The following OSBPL9 variants were observed in gnomAD, a reference collection of about 807,000 sequenced individuals.
OSBPL9 encodes oxysterol-binding protein-related protein 9.
OSBPL9 carries 40 observed loss-of-function variants against 106.6 expected under a neutral mutation model. That is an observed-to-expected ratio of 0.38 (90% confidence interval 0.29 to 0.49). The LOEUF (loss-of-function observed/expected upper bound fraction) is 0.49, where lower values mean the gene tolerates loss of function less well. OSBPL9 is among the 20% of genes least tolerant of loss of function. The probability of loss-of-function intolerance (pLI) is 0.97; values close to 1 mark genes in which losing one functional copy is unlikely to be tolerated. For missense variants in OSBPL9, 609 were observed against 887.2 expected (o/e 0.69, Z 3.98); for synonymous variants, 269 against 295.4 (o/e 0.91, Z 0.92).
chr1:51,645,185 A>T (rs1364380128), intron 1 of OSBPL9, among the ~76,000 whole-genome samples: 1 of 152,232 alleles, frequency 6.6e-6, no homozygotes, highest in Non-Finnish European at 1.5e-5. Context: ...TAAATTATGC[A>T]GTCTCTGGTA....
At chr1:51,663,222 A>G (rs1275982675) in intron 2 of OSBPL9, among the ~76,000 whole-genome samples, 2 of 152,210 alleles carry the variant, frequency 1.3e-5, no homozygotes, top group East Asian at 3.8e-4. Flanking sequence ...AAAGACCTAA[A>G]TAAATGACAG....
At chr1:51,735,512 C>T (rs1476780426) in intron 4 of OSBPL9, among the ~76,000 whole-genome samples, 1 of 152,178 alleles carries the variant, frequency 6.6e-6, no homozygotes, top group African/African-American at 2.4e-5. Context: ...AAAGCTTTCT[C>T]GTCCTTATAA....
At chr1:51,543,542 C>T in the OSBPL9 span, among the ~76,000 whole-genome samples, 2 of 152,098 alleles carry the variant, frequency 1.3e-5, no homozygotes, top group African/African-American at 4.8e-5. Context: ...ACTACAGGCA[C>T]GTGCCACCAT....
intron 4 of OSBPL9, among the ~76,000 whole-genome samples, chr1:51,735,310 C>T (rs1301614266): frequency 6.6e-6 from 1 of 152,172 alleles, no homozygotes; most frequent in Non-Finnish European, 1.5e-5. Flanking sequence ...TTCCTGAGTA[C>T]CTCAGCATCT....
In OSBPL9 at chr1:51,594,163, G is replaced by A. The variant is rs534170370; in HGVS notation, c.-422-3961G>A. Among the ~76,000 whole-genome samples the A allele has an allele frequency of 4.6e-5, 7 of 152,214 alleles. No homozygotes were observed. In the East Asian group the frequency reaches 9.6e-4, roughly 21 times the overall value. On this transcript the variant is annotated intron_variant, in intron 1 of 25. Coordinates refer to the OSBPL9 transcript ENST00000371714. Reference sequence around the variant, plus strand: ...TGTAACCCCAGCACTTTGGGAGGCCGAGGTGTGTGGATCACCTGAGGTCAG... The same window carrying A: ...TGTAACCCCAGCACTTTGGGAGGCCAAGGTGTGTGGATCACCTGAGGTCAG...
intron 1 of OSBPL9, among the ~76,000 whole-genome samples, chr1:51,596,598 G>A (rs1381818264): frequency 6.7e-6 from 1 of 149,018 alleles, no homozygotes; most frequent in East Asian, 2.0e-4. Flanking sequence ...TGACCAACAT[G>A]GTGAAACCCC....
intron 2 of OSBPL9, among the ~76,000 whole-genome samples, chr1:51,606,770 C>T (rs113492238): frequency 0.076 from 11,552 of 152,154 alleles, 582 homozygotes; most frequent in Middle Eastern, 0.16. Flanking sequence ...GAAAACATGC[C>T]GGGCGCGGTG....
At chr1:51,764,860 C>G (rs899441450) in intron 11 of OSBPL9, among the ~76,000 whole-genome samples, 3 of 152,230 alleles carry the variant, frequency 2.0e-5, no homozygotes, top group African/African-American at 7.2e-5. Flanking sequence ...GCTGGAATTA[C>G]AGGCATGAGC....
chr1:51,641,426 C>T (rs1645786758), intron 1 of OSBPL9, among the ~76,000 whole-genome samples: 1 of 152,180 alleles, frequency 6.6e-6, no homozygotes, highest in Non-Finnish European at 1.5e-5. Context: ...CAGTCCATTA[C>T]AGTATGTATT....
the OSBPL9 span, among the ~76,000 whole-genome samples, chr1:51,543,557 G>T: frequency 6.6e-6 from 1 of 152,064 alleles, no homozygotes; most frequent in Non-Finnish European, 1.5e-5. Context: ...CACCATGCCC[G>T]GCTAATTTTT....
At chr1:51,662,362 A>C (rs1477242589) in intron 2 of OSBPL9, among the ~76,000 whole-genome samples, 1 of 152,162 alleles carries the variant, frequency 6.6e-6, no homozygotes, top group Non-Finnish European at 1.5e-5. Flanking sequence ...ACAGAAATTG[A>C]AAATTGGCAG....
intron 3 of OSBPL9, among the ~76,000 whole-genome samples, chr1:51,705,399 A>ATTTATT (rs1658290505): frequency 2.5e-5 from 1 of 40,450 alleles, no homozygotes; most frequent in African/African-American, 1.2e-4. Context: ...ATATATATAT[A>ATTTATT]TTTTTTTTTT....
At chr1:51,594,268 G>A (rs747181809) in intron 1 of OSBPL9, among the ~76,000 whole-genome samples, 7 of 152,102 alleles carry the variant, frequency 4.6e-5, no homozygotes, top group East Asian at 1.9e-4. Context: ...ATAAATAGCC[G>A]GGCGTGGTGG....
intron 2 of OSBPL9, among the ~76,000 whole-genome samples, chr1:51,656,272 A>G (rs1327170897): frequency 6.6e-6 from 1 of 152,184 alleles, no homozygotes; most frequent in African/African-American, 2.4e-5. Flanking sequence ...AGGAAACAGT[A>G]ACTGCTATGG....
At chr1:51,770,416 T>C (rs1384091644) in intron 12 of OSBPL9, among the ~76,000 whole-genome samples, 1 of 151,662 alleles carries the variant, frequency 6.6e-6, no homozygotes, top group Non-Finnish European at 1.5e-5. Flanking sequence ...GTGCTGGGAT[T>C]ACAAGCCTGA....
At chr1:51,582,420 T>C (rs191274769) in intron 1 of OSBPL9, among the ~76,000 whole-genome samples, 1 of 152,156 alleles carries the variant, frequency 6.6e-6, no homozygotes, top group African/African-American at 2.4e-5. Context: ...CTCCACCTCC[T>C]GGGTTCAAGC....
intron 1 of OSBPL9, among the ~76,000 whole-genome samples, chr1:51,639,765 A>G (rs1645658753): frequency 6.6e-6 from 1 of 151,882 alleles, no homozygotes; most frequent in South Asian, 2.1e-4. Context: ...ATTAACATTC[A>G]AATAAATTTA....
chr1:51,746,818 C>T, intron 6 of OSBPL9, 61 bp downstream of exon 6: 13 of 1,349,540 alleles, frequency 9.6e-6, no homozygotes, highest in Non-Finnish European at 1.4e-5. Context: ...TTGGAGAACA[C>T]TAAGTATCTT....
rs939366494 is a variant in OSBPL9 at position 51,786,413 on chromosome 1, G to A, written c.1909-113G>A. 3.1e-5 allele frequency: 21 copies of A among 667,304 alleles called. No homozygotes were observed. In the East Asian group the frequency reaches 5.5e-4, roughly 18 times the overall value. The allele number at this position is 667,304 out of a possible 1,614,324, so 41.3% of individuals were successfully genotyped here. ...GTTATGAAATTAACAGGAGGAGCCA[G>A]TTAACTGCATTTTGGACCTAGAGAA... is the stretch of plus-strand genomic sequence containing the variant. On this transcript the variant is annotated intron_variant, in intron 21 of 23. Coordinates refer to ENST00000428468, the MANE Select transcript of OSBPL9 (RefSeq NM_024586.6).
Sources: allele counts gnomAD v4.1 joint callset (sites outside exome capture counted in the v4.1 genomes callset), GRCh38; gene constraint gnomAD v4.1.1; transcripts MANE v1.5; gene names NCBI Gene and HGNC (gene_info 2026-07-23, HGNC 2026-07-21).